The following AEN variants were observed in gnomAD, a reference collection of about 807,000 sequenced individuals.
AEN encodes the protein apoptosis-enhancing nuclease.
A neutral mutation model predicts 17.7 loss-of-function variants in AEN; 21 were observed. That is an observed-to-expected ratio of 1.19 (90% CI 0.84 to 1.71). The LOEUF is 1.71. AEN is among the 40% of genes most tolerant of loss of function. The pLI is 0.00. For synonymous variants in AEN, 190 were observed against 173.0 expected (o/e 1.10, Z -0.77); for missense variants, 462 against 435.9 (o/e 1.06, Z -0.53).
At chr15:88,607,290 C>T in the AEN span, among the ~76,000 whole-genome samples, 1 of 152,230 alleles carries the variant, frequency 6.6e-6, no homozygotes, top group Non-Finnish European at 1.5e-5. Flanking sequence ...GCACCTAAAG[C>T]TTCTAATCCT....
At chr15:88,620,346 A>ACACG (rs2057772129), upstream of AEN, among the ~76,000 whole-genome samples, 1 of 152,078 alleles carries the variant, frequency 6.6e-6, no homozygotes, top group Non-Finnish European at 1.5e-5. Context: ...TGCTCACATA[A>ACACG]TACGTGTGAA....
the AEN span, among the ~76,000 whole-genome samples, chr15:88,606,991 G>A: frequency 6.6e-6 from 1 of 151,916 alleles, no homozygotes; most frequent in Non-Finnish European, 1.5e-5. Context: ...TTTCCTGGAT[G>A]TACAGGAGGG....
rs1192456148 is a variant in AEN, at chr15:88,632,001, T to G, written c.*1707T>G. The G allele has an allele frequency of 1.3e-5, 2 of 152,368 alleles. No individual in the cohort carries two copies. Among genetic ancestry groups the G allele is most frequent in the East Asian group, 3.8e-4 (2 of 5,196 alleles). 9.4% of individuals were successfully genotyped at this position (152,368 alleles called of 1,614,324 possible). ...AGCTGAAGCCCCACGTTCCACAAAC[T>G]TGGGGTCATAGATTGTCCAGTCACT... On this transcript the variant is annotated 3_prime_UTR_variant, in exon 4 of 4. Transcript: ENST00000332810.
chr15:88,616,333 C>G, the AEN span, among the ~76,000 whole-genome samples: 1 of 152,128 alleles, frequency 6.6e-6, no homozygotes, highest in South Asian at 2.1e-4. Flanking sequence ...AACTTGTGAT[C>G]CACCAGCCTC....
rs1169301578 is a variant in AEN at position 88,629,178 on chromosome 15, C to T, written c.541-48C>T. 3 of 1,596,304 alleles carry T rather than the reference C, an allele frequency of 1.9e-6. No individual in the cohort carries two copies. In the East Asian group the frequency reaches 6.7e-5, roughly 36 times the overall value. ...GTTCTCAGGGCGTGTCTCCTGCCAA[C>T]CTGATGGGGTGTGGGGTGACCTCCC... On this transcript the variant is annotated intron_variant, in intron 2 of 3. Transcript: ENST00000332810.
chr15:88,605,446 T>A, the AEN span, among the ~76,000 whole-genome samples: 16 of 152,308 alleles, frequency 1.1e-4, no homozygotes, highest in African/African-American at 3.8e-4. This position sits in a 1 kb window ranked among gnomAD's most constrained non-coding sequence, Gnocchi z 7.6. Flanking sequence ...TCCTCTTTGC[T>A]TTGCCTGCCA....
At chr15:88,618,859 T>C (rs2057759063), upstream of AEN, among the ~76,000 whole-genome samples, 2 of 152,068 alleles carry the variant, frequency 1.3e-5, no homozygotes, top group South Asian at 4.1e-4. Flanking sequence ...CAGGCTGGAG[T>C]GCAGTGGCTC....
chr15:88,615,570 C>G, the AEN span, among the ~76,000 whole-genome samples: 4 of 152,128 alleles, frequency 2.6e-5, no homozygotes, highest in Admixed American at 6.5e-5. Flanking sequence ...TCCTAAACTT[C>G]GGCATGCCTC....
the AEN span, among the ~76,000 whole-genome samples, chr15:88,612,246 C>T: frequency 1.5e-3 from 226 of 152,334 alleles, 1 homozygote; most frequent in African/African-American, 5.0e-3. Context: ...ACTCCACATC[C>T]TGGGGCTCAG....
At chr15:88,623,353 C>G (rs1223894373) in intron 1 of AEN, among the ~76,000 whole-genome samples, 2 of 152,132 alleles carry the variant, frequency 1.3e-5, no homozygotes, top group Non-Finnish European at 2.9e-5. Context: ...TGTGGGGATT[C>G]TTTATGCAAA....
chr15:88,616,899 C>T (rs183931103), upstream of AEN, among the ~76,000 whole-genome samples: 1 of 152,272 alleles, frequency 6.6e-6, no homozygotes, highest in East Asian at 1.9e-4. Context: ...TCAGGCTAAG[C>T]TATAGACGTT....
In AEN at chr15:88,632,026, T is replaced by C. The variant is rs578220419; in HGVS notation, c.*1732T>C. 1 of 152,416 alleles carries C rather than the reference T, an allele frequency of 6.6e-6. No individual in the cohort carries two copies. The highest frequency in any genetic ancestry group is 2.4e-5 in the African/African-American group (1 of 41,578). The allele number at this position is 152,416 out of a possible 1,614,324, so 9.4% of individuals were successfully genotyped here. A position where few individuals can be genotyped will look rare whatever the true frequency, so the allele number is the denominator to read the frequency against. On this transcript the variant is annotated 3_prime_UTR_variant, in exon 4 of 4. Transcript: ENST00000332810. ...TTGGGGTCATAGATTGTCCAGTCACTGGCTCCCTCCCTGTCAGCACAGCAC... is the reference window on the plus strand; with the variant it reads ...TTGGGGTCATAGATTGTCCAGTCACCGGCTCCCTCCCTGTCAGCACAGCAC...
the AEN span, among the ~76,000 whole-genome samples, chr15:88,615,853 C>A: frequency 6.6e-6 from 1 of 152,088 alleles, no homozygotes; most frequent in Non-Finnish European, 1.5e-5. Flanking sequence ...CCACAGTACC[C>A]CCAAAAAGTC....
At chr15:88,611,968 T>G in the AEN span, 1 of 459,242 alleles carries the variant, frequency 2.2e-6, no homozygotes, top group African/African-American at 2.0e-5. Context: ...GCCCCCCTTT[T>G]TGGCTATCCT....
rs1383726215 is a variant in AEN, at chr15:88,626,590, C to T, written c.381C>T (p.Ser127=). 8 of 1,614,094 alleles carry T rather than the reference C, an allele frequency of 5.0e-6. No homozygotes were observed. The highest frequency in any genetic ancestry group is 1.1e-5 in the South Asian group (1 of 91,086). The change falls in exon 2 of 4, where the codon AGC becomes AGT. Residue 127 remains serine (S), a synonymous_variant. Coordinates refer to ENST00000332810, the MANE Select transcript of AEN (RefSeq NM_022767.4). ...GCACGGGACCCCGAGGGCGGGTAAG[C>T]GAGCTGGCCCGCTGTTCCATTGTGA... The part of the protein sequence containing the change: ...MVGTGPRGRV[S]ELARCSIVSY...
chr15:88,610,924 A>G, the AEN span, among the ~76,000 whole-genome samples: 1 of 152,148 alleles, frequency 6.6e-6, no homozygotes, highest in Admixed American at 6.5e-5. Context: ...CCTCTCCTCC[A>G]CCAGTGCCAC....
At chr15:88,618,242 A>T (rs1369176624), upstream of AEN, among the ~76,000 whole-genome samples, 1 of 55,860 alleles carries the variant, frequency 1.8e-5, no homozygotes, top group African/African-American at 3.5e-5. Flanking sequence ...AATATGCAAC[A>T]TTCTTTTTTT....
chr15:88,630,293 G>T lies in AEN; in HGVS notation c.977G>T (p.Ter326LeuextTer15). The part of the protein sequence containing the change: ...GAREAQDRRN[*>L] The stretch of plus-strand genomic sequence containing the variant: ...AGGGAGGCACAGGACAGAAGGAATT[G>T]AGAAGGGGGCGGGGCTCCCTGGCTG... The change falls in exon 4 of 4, where the codon TGA (stop) becomes TTA (leucine). Residue 326 changes from the stop codon to leucine, a stop_lost. Coordinates refer to ENST00000332810, the MANE Select transcript of AEN (RefSeq NM_022767.4). The surrounding 1 kb of genome is among the most constrained non-coding windows in gnomAD (Gnocchi z 5.1). 2 of 1,575,290 alleles carry T rather than the reference G, an allele frequency of 1.3e-6. No homozygotes were observed. Among genetic ancestry groups the T allele is most frequent in the South Asian group, 1.2e-5 (1 of 86,186 alleles).
At chr15:88,609,975 T>C in the AEN span, among the ~76,000 whole-genome samples, 1 of 152,108 alleles carries the variant, frequency 6.6e-6, no homozygotes, top group Non-Finnish European at 1.5e-5. Flanking sequence ...AGCAGGGCAG[T>C]GGTTTGGGTG....
Sources: allele counts gnomAD v4.1 joint callset (sites outside exome capture counted in the v4.1 genomes callset), GRCh38; gene constraint gnomAD v4.1.1; non-coding constraint Gnocchi (gnomAD v3.1); transcripts MANE v1.5; gene names NCBI Gene and HGNC (gene_info 2026-07-23, HGNC 2026-07-21).